Variants in ZFHX3 observed in about 807,000 individuals in gnomAD.
The protein encoded by ZFHX3 is zinc finger homeobox protein 3.
ZFHX3 carries 42 observed loss-of-function variants against 279.1 expected under a neutral mutation model. The observed-to-expected ratio is 0.15, with a 90% CI of 0.12 to 0.19. The LOEUF (loss-of-function observed/expected upper bound fraction) is 0.19, where lower values mean the gene tolerates loss of function less well. ZFHX3 is among the 10% of genes least tolerant of loss of function. The pLI is 1.00. For missense variants in ZFHX3, 4,981 were observed against 4,754.0 expected, an observed-to-expected ratio of 1.05 and a Z score of -1.40; for synonymous variants, 2,293 against 1,957.8, an observed-to-expected ratio of 1.17 and a Z score of -4.52.
chr16:73,223,537 A>G (rs1429582487), intron 5 of ZFHX3, among the ~76,000 whole-genome samples: 1 of 152,202 alleles, frequency 6.6e-6, no homozygotes, highest in African/African-American at 2.4e-5. Flanking sequence ...CATCCAAAAT[A>G]ACGACAACCC....
intron 3 of ZFHX3, among the ~76,000 whole-genome samples, chr16:73,359,477 A>T (rs1175232567): frequency 6.6e-6 from 1 of 152,162 alleles, no homozygotes; most frequent in East Asian, 1.9e-4. Context: ...TCTGTGGCTA[A>T]CTCAGTATTT....
At chr16:73,574,930 C>T (rs950976051) in intron 2 of ZFHX3, among the ~76,000 whole-genome samples, 2 of 152,196 alleles carry the variant, frequency 1.3e-5, no homozygotes, top group Admixed American at 6.5e-5. Flanking sequence ...GTCTTCCCCA[C>T]CGACGACGTT....
intron 3 of ZFHX3, among the ~76,000 whole-genome samples, chr16:73,442,415 G>T (rs1208598488): frequency 6.7e-6 from 1 of 149,166 alleles, no homozygotes; most frequent in Non-Finnish European, 1.5e-5. Context: ...CTGGAGTGCT[G>T]TAGCACGATC....
intron 1 of ZFHX3, among the ~76,000 whole-genome samples, chr16:73,814,150 A>AT (rs949789644): frequency 3.2e-4 from 48 of 152,062 alleles, no homozygotes; most frequent in Admixed American, 3.1e-3. Flanking sequence ...TGTACCTTCC[A>AT]TTTTTTTCAT....
chr16:73,798,320 G>C (rs1960052895), intron 1 of ZFHX3, among the ~76,000 whole-genome samples: 1 of 151,950 alleles, frequency 6.6e-6, no homozygotes, highest in Non-Finnish European at 1.5e-5. Flanking sequence ...TTCTTGGAGA[G>C]ATGCTTGGGG....
At chr16:73,090,775 C>T (rs1263997949) in intron 8 of ZFHX3, among the ~76,000 whole-genome samples, 4 of 150,632 alleles carry the variant, frequency 2.7e-5, no homozygotes, top group African/African-American at 9.8e-5. Flanking sequence ...GCCAGGTGTA[C>T]TGGTGTGCAT....
chr16:73,142,847 T>C lies in ZFHX3; in HGVS notation c.-1024+905A>G, dbSNP rs967832845. ...GATACTACTATGTCCATTTCATGGA[T>C]GGAGAAACTGACGTCCAGAAAGGCC... On this transcript the variant is annotated intron_variant, in intron 6 of 17. Coordinates refer to the ZFHX3 transcript ENST00000641206. 4.6e-5 allele frequency among the ~76,000 whole-genome samples: 7 copies of C among 152,204 alleles called. No individual in the cohort carries two copies. The South Asian group carries it at 1.2e-3, about 27-fold the overall frequency.
upstream of ZFHX3, among the ~76,000 whole-genome samples, chr16:73,049,677 C>T (rs1462578815): frequency 6.6e-6 from 1 of 152,102 alleles, no homozygotes; most frequent in African/African-American, 2.4e-5. Flanking sequence ...AAGGAGGGCA[C>T]AAGCCCAATT....
intron 2 of ZFHX3, among the ~76,000 whole-genome samples, chr16:73,461,754 A>G (rs1188909057): frequency 6.6e-6 from 1 of 152,216 alleles, no homozygotes; most frequent in Non-Finnish European, 1.5e-5. Context: ...TAACAATACC[A>G]CACAGCATTG....
At chr16:72,937,095 T>C (rs1419586765) in intron 3 of ZFHX3, among the ~76,000 whole-genome samples, 3 of 152,190 alleles carry the variant, frequency 2.0e-5, no homozygotes, top group Admixed American at 6.5e-5. Context: ...TTGGGGGTTC[T>C]GGTCACAGAG....
chr16:73,820,105 T>C (rs972375859), intron 1 of ZFHX3, among the ~76,000 whole-genome samples: 7 of 152,138 alleles, frequency 4.6e-5, no homozygotes, highest in Admixed American at 1.3e-4. Context: ...AGTCTTTTTT[T>C]TTGAGACAGA....
At chr16:73,513,378 G>A (rs2019465959) in intron 2 of ZFHX3, among the ~76,000 whole-genome samples, 1 of 152,162 alleles carries the variant, frequency 6.6e-6, no homozygotes, top group South Asian at 2.1e-4. Context: ...CAGAACAGGA[G>A]GCCAGATCCT....
intron 5 of ZFHX3, among the ~76,000 whole-genome samples, chr16:73,216,180 AGC>A (rs2012200392): frequency 6.6e-6 from 1 of 152,216 alleles, no homozygotes; most frequent in African/African-American, 2.4e-5. Context: ...TTTGTTACAC[AGC>A]ATTATTGTGG....
chr16:72,925,184 T>C (rs868688363), intron 3 of ZFHX3, among the ~76,000 whole-genome samples: 3 of 152,204 alleles, frequency 2.0e-5, no homozygotes, highest in Non-Finnish European at 2.9e-5. Context: ...CACAAAGCCA[T>C]TGCTGTGCTA....
chr16:73,752,140 T>C (rs1481154547), intron 1 of ZFHX3, among the ~76,000 whole-genome samples: 1 of 152,084 alleles, frequency 6.6e-6, no homozygotes, highest in Non-Finnish European at 1.5e-5. Flanking sequence ...CATTTATACG[T>C]AGGAGAGTAA....
chr16:73,510,065 A>C (rs185172807), intron 2 of ZFHX3, among the ~76,000 whole-genome samples: 39 of 152,186 alleles, frequency 2.6e-4, no homozygotes, highest in South Asian at 1.5e-3. Flanking sequence ...TTTCCATCGA[A>C]TGCTGTTTTC....
At chr16:73,601,344 C>A (rs981594249) in intron 2 of ZFHX3, among the ~76,000 whole-genome samples, 10 of 150,832 alleles carry the variant, frequency 6.6e-5, no homozygotes, top group Non-Finnish European at 1.3e-4. Flanking sequence ...GTGGCACATG[C>A]CAGTAATCTC....
At chr16:73,314,840 A>G (rs1171114861) in intron 4 of ZFHX3, among the ~76,000 whole-genome samples, 1 of 152,248 alleles carries the variant, frequency 6.6e-6, no homozygotes, top group Non-Finnish European at 1.5e-5. Context: ...GAATTTACTG[A>G]GCACCTTCCA....
chr16:73,733,442 G>C (rs1393437623), intron 1 of ZFHX3, among the ~76,000 whole-genome samples: 1 of 152,130 alleles, frequency 6.6e-6, no homozygotes, highest in Non-Finnish European at 1.5e-5. Context: ...AGTAAAAACA[G>C]ATGTTAAAAT....
Sources: allele counts gnomAD v4.1 joint callset (sites outside exome capture counted in the v4.1 genomes callset), GRCh38; gene constraint gnomAD v4.1.1; transcripts MANE v1.5; gene names NCBI Gene and HGNC (gene_info 2026-07-23, HGNC 2026-07-21).